CDH13: variants seen among roughly 807,000 people sequenced by gnomAD.
CDH13 encodes cadherin 13, also known as cadherin-13.
A neutral mutation model predicts 63.8 loss-of-function variants in CDH13; 24 were observed. The observed-to-expected ratio is 0.38, with a 90% CI of 0.27 to 0.53. The LOEUF is 0.53. Ranked by LOEUF, CDH13 falls within the 20% of genes least tolerant of loss-of-function variation. The pLI, the probability that CDH13 is intolerant of heterozygous loss-of-function variation, is 0.85. For missense variants in CDH13, 1,049 were observed against 903.1 expected (o/e 1.16, Z -2.07); for synonymous variants, 503 against 355.3 (o/e 1.42, Z -4.67).
rs772411190 is a variant in CDH13 at position 83,047,147 on chromosome 16, C to T, written c.366+14929C>T. On this transcript the variant is annotated intron_variant, in intron 3 of 13. Coordinates refer to ENST00000567109, the MANE Select transcript of CDH13 (RefSeq NM_001257.5). The surrounding 1 kb of genome is among the most constrained non-coding windows in gnomAD (Gnocchi z 4.9). The stretch of plus-strand genomic sequence containing the variant: ...AAAGCTTTAAACAGTAGTAGTTCTC[C>T]GTGAGACCCAAGGAAAGGTCTGCAG... Among the ~76,000 whole-genome samples the T allele has an allele frequency of 1.5e-4, 23 of 152,216 alleles. No individual in the cohort carries two copies. Among genetic ancestry groups the T allele is most frequent in the Middle Eastern group, 3.4e-3 (1 of 294 alleles).
intron 2 of CDH13, among the ~76,000 whole-genome samples, chr16:83,012,276 A>C (rs919666923): frequency 2.0e-5 from 3 of 150,158 alleles, no homozygotes; most frequent in Admixed American, 6.6e-5. Flanking sequence ...ATCTAAATTT[A>C]GAGAGATGTT....
At chr16:82,960,849 CT>C (rs2151340837) in intron 2 of CDH13, among the ~76,000 whole-genome samples, 1 of 152,060 alleles carries the variant, frequency 6.6e-6, no homozygotes, top group Admixed American at 6.6e-5. Context: ...ACAAATAAGT[CT>C]ATTGTGATTT....
At chr16:83,548,270 C>G (rs2075426104) in intron 7 of CDH13, among the ~76,000 whole-genome samples, 1 of 152,144 alleles carries the variant, frequency 6.6e-6, no homozygotes, top group African/African-American at 2.4e-5. Flanking sequence ...AAACCAGGGA[C>G]AGTTGTGTCT....
chr16:83,550,886 G>A (rs924519351), intron 7 of CDH13, among the ~76,000 whole-genome samples: 2 of 151,984 alleles, frequency 1.3e-5, no homozygotes, highest in Admixed American at 1.3e-4. Context: ...AAGTTGCCTT[G>A]CATTCCTCCC....
chr16:82,889,346 C>G (rs910344893), intron 2 of CDH13, among the ~76,000 whole-genome samples: 1 of 151,970 alleles, frequency 6.6e-6, no homozygotes, highest in East Asian at 1.9e-4. Flanking sequence ...ATCTACCAAC[C>G]AACCAACCTA....
chr16:83,374,432 T>G (rs1376355113), intron 6 of CDH13, among the ~76,000 whole-genome samples: 1 of 152,226 alleles, frequency 6.6e-6, no homozygotes, highest in Non-Finnish European at 1.5e-5. Context: ...GACCATATTT[T>G]TTCTCTGATA....
chr16:82,876,271 C>T (rs1321078733), intron 2 of CDH13, among the ~76,000 whole-genome samples: 1 of 152,152 alleles, frequency 6.6e-6, no homozygotes, highest in Non-Finnish European at 1.5e-5. Flanking sequence ...TGTATCTCTG[C>T]CAGACAGAAA....
At chr16:83,206,383 G>A (rs548605850) in intron 4 of CDH13, among the ~76,000 whole-genome samples, 2 of 152,256 alleles carry the variant, frequency 1.3e-5, no homozygotes, top group South Asian at 2.1e-4. Context: ...AGGCCAAGGG[G>A]CTGGGCATGA....
chr16:83,525,992 G>A (rs2074950723), intron 7 of CDH13, among the ~76,000 whole-genome samples: 1 of 152,182 alleles, frequency 6.6e-6, no homozygotes, highest in Non-Finnish European at 1.5e-5. Flanking sequence ...CCTTCCAGTA[G>A]CTAGATGTTA....
At chr16:83,037,056 A>C (rs1916926577) in intron 3 of CDH13, among the ~76,000 whole-genome samples, 1 of 152,212 alleles carries the variant, frequency 6.6e-6, no homozygotes, top group Admixed American at 6.5e-5. Context: ...TAAGCAGAGA[A>C]ACAGGCAGGA....
intron 5 of CDH13, among the ~76,000 whole-genome samples, chr16:83,292,337 T>C (rs1259757306): frequency 6.6e-6 from 1 of 152,172 alleles, no homozygotes; most frequent in African/African-American, 2.4e-5. Context: ...ATTGCCTAGT[T>C]CTGGGCCTCC....
chr16:83,769,658 T>A (rs1156360111), intron 11 of CDH13, among the ~76,000 whole-genome samples: 1 of 152,120 alleles, frequency 6.6e-6, no homozygotes, highest in Non-Finnish European at 1.5e-5. Context: ...AAATAAGTTG[T>A]AAAAGTGGCC....
At chr16:83,775,723 TA>T (rs147727333) in intron 11 of CDH13, among the ~76,000 whole-genome samples, 2 of 145,496 alleles carry the variant, frequency 1.4e-5, no homozygotes, top group South Asian at 4.4e-4. Context: ...GTCTCAAAAA[TA>T]AAAAAAAAGA....
At chr16:83,097,698 T>A (rs1214852057) in intron 3 of CDH13, among the ~76,000 whole-genome samples, 1 of 152,188 alleles carries the variant, frequency 6.6e-6, no homozygotes, top group Non-Finnish European at 1.5e-5. Context: ...ACAGATGCTA[T>A]ATACAAAAGC....
Position 82,685,291 on chromosome 16 carries a change from C to T in CDH13, c.45+58154C>T, listed in dbSNP as rs12051052. On this transcript the variant is annotated intron_variant, in intron 1 of 13. Coordinates refer to ENST00000567109, the MANE Select transcript of CDH13 (RefSeq NM_001257.5). ...ACAGATTTAGTGTCTGGTGAGGTCC[C>T]GCTTTCCTCATCCATGGTGCCATCT... 0.027 allele frequency among the ~76,000 whole-genome samples: 4,037 copies of T among 152,236 alleles called. 283 individuals carry two copies. The East Asian group carries it at 0.31, about 12-fold the overall frequency.
At chr16:83,429,254 C>G (rs1420120614) in intron 6 of CDH13, among the ~76,000 whole-genome samples, 1 of 152,042 alleles carries the variant, frequency 6.6e-6, no homozygotes, top group Non-Finnish European at 1.5e-5. Context: ...CAAGAGTGGC[C>G]CATTTTCTAA....
intron 10 of CDH13, among the ~76,000 whole-genome samples, chr16:83,713,305 C>T (rs574330952): frequency 1.4e-4 from 22 of 152,320 alleles, no homozygotes; most frequent in African/African-American, 4.1e-4. Context: ...CACCAGGGAG[C>T]TCACCTCATC....
chr16:83,059,793 G>GT (rs66521965), intron 3 of CDH13, among the ~76,000 whole-genome samples: 2,585 of 113,036 alleles, frequency 0.023, 55 homozygotes, highest in African/African-American at 0.048. Context: ...TTTTTTGTTT[G>GT]TTTTTTTTTT....
chr16:82,982,482 T>G (rs947480942), intron 2 of CDH13, among the ~76,000 whole-genome samples: 1 of 152,220 alleles, frequency 6.6e-6, no homozygotes, highest in African/African-American at 2.4e-5. Flanking sequence ...TCTGCTTTTT[T>G]GCCTTTTTCC....
Sources: allele counts gnomAD v4.1 joint callset (sites outside exome capture counted in the v4.1 genomes callset), GRCh38; gene constraint gnomAD v4.1.1; non-coding constraint Gnocchi (gnomAD v3.1); transcripts MANE v1.5; gene names NCBI Gene and HGNC (gene_info 2026-07-23, HGNC 2026-07-21).